The following ARHGEF33 variants were observed in gnomAD, a reference collection of about 807,000 sequenced individuals.
ARHGEF33 encodes the protein Rho guanine nucleotide exchange factor 33, also known as DH and coiled-coil domain-containing protein ENSP00000381780.
ARHGEF33 carries 72 observed loss-of-function variants against 101.9 expected under a neutral mutation model. That is an observed-to-expected ratio of 0.71 (90% CI 0.58 to 0.86). ARHGEF33 has a LOEUF of 0.86. ARHGEF33 is among the 40% of genes least tolerant of loss of function. The pLI, the probability that ARHGEF33 is intolerant of heterozygous loss-of-function variation, is 0.00. For missense variants in ARHGEF33, 1,169 were observed against 1,111.3 expected (o/e 1.05, Z -0.74); for synonymous variants, 499 against 442.5 (o/e 1.13, Z -1.60).
chr2:38,934,321 G>A (rs1667076491), intron 7 of ARHGEF33, among the ~76,000 whole-genome samples: 1 of 152,100 alleles, frequency 6.6e-6, no homozygotes, highest in African/African-American at 2.4e-5. Context: ...CCTTAACACA[G>A]TTTACATGGC....
At chr2:38,951,210 G>C in intron 11 of ARHGEF33, 89 bp downstream of exon 11, 1 of 1,304,240 alleles carries the variant, frequency 7.7e-7, no homozygotes, top group Non-Finnish European at 1.1e-6. Context: ...TCTAGAAGCA[G>C]TGAATTTCAC....
chr2:38,897,080 T>G (rs951771108), intron 2 of ARHGEF33, among the ~76,000 whole-genome samples: 1 of 152,104 alleles, frequency 6.6e-6, no homozygotes, highest in Non-Finnish European at 1.5e-5. Flanking sequence ...CGCACCCAGC[T>G]AATTTTTGTA....
At position 38,960,321 on chromosome 2, in the gene ARHGEF33, G is replaced by C. The variant is rs1437925332; in HGVS notation, c.2016G>C (p.Pro672=). The C allele has an allele frequency of 1.3e-6, 2 of 1,541,500 alleles. No homozygotes were observed. Among genetic ancestry groups the C allele is most frequent in the African/African-American group, 2.7e-5 (2 of 72,886 alleles). ...TGGAGGCCGAGCGGCCGGAGCACCCGCTGCAGCCGCTGCCCAAGAGCGCTA... is the reference window on the plus strand; with the variant it reads ...TGGAGGCCGAGCGGCCGGAGCACCCCCTGCAGCCGCTGCCCAAGAGCGCTA... ...FAMEAERPEH[P]LQPLPKSATS... Residue 672 remains proline, a synonymous_variant, in exon 16 of 18, where the codon CCG becomes CCC. Transcript: ENST00000409978.
intron 17 of ARHGEF33, chr2:38,972,093 A>G (rs1247686592): frequency 1.7e-5 from 11 of 639,934 alleles, no homozygotes; most frequent in Admixed American, 1.0e-4. Context: ...CTGTGGGGGA[A>G]CAAGAAGAAA....
At chr2:38,928,724 C>T (rs76504159) in intron 4 of ARHGEF33, 183 bp from the exon 5 acceptor site, 1 of 475,142 alleles carries the variant, frequency 2.1e-6, no homozygotes, top group African/African-American at 2.0e-5. Context: ...AAAGAAGACA[C>T]TCTTTTTCTT....
intron 7 of ARHGEF33, among the ~76,000 whole-genome samples, chr2:38,932,497 G>A (rs959890098): frequency 3.9e-5 from 6 of 152,070 alleles, no homozygotes; most frequent in African/African-American, 1.4e-4. Context: ...TGCAGCCTGG[G>A]AAAACTCACT....
chr2:38,892,585 T>A lies in ARHGEF33; in HGVS notation c.-159+2599T>A, dbSNP rs76894570. Among the ~76,000 whole-genome samples the A allele has an allele frequency of 6.7e-3, 1,027 of 152,304 alleles. 15 individuals are homozygous for A. The highest frequency in any genetic ancestry group is 0.023 in the African/African-American group (965 of 41,570). On this transcript the variant is annotated intron_variant, in intron 1 of 17. Coordinates refer to ENST00000409978, the MANE Select transcript of ARHGEF33 (RefSeq NM_001145451.5). ...GCAGAGTTAGTCAGTGCACCCCCAA[T>A]TGACAAAAACAAAAGTTAAGGCTCT...
chr2:38,898,090 C>T (rs1199780822), intron 2 of ARHGEF33, among the ~76,000 whole-genome samples: 3 of 152,116 alleles, frequency 2.0e-5, no homozygotes, highest in Non-Finnish European at 2.9e-5. Context: ...TATATTAGTG[C>T]ATGGCTAAAT....
At chr2:38,931,548 A>T (rs918471640) in intron 7 of ARHGEF33, among the ~76,000 whole-genome samples, 1 of 152,196 alleles carries the variant, frequency 6.6e-6, no homozygotes, top group Non-Finnish European at 1.5e-5. Context: ...CCCATAAGAC[A>T]GAAATGTTAG....
chr2:38,954,541 GC>G, intron 13 of ARHGEF33, 85 bp downstream of exon 13: 1 of 769,730 alleles, frequency 1.3e-6, no homozygotes, highest in Non-Finnish European at 2.2e-6. Context: ...ATACTGTAAA[GC>G]CTCAAGAATC....
chr2:38,917,341 C>A (rs1375166797), intron 2 of ARHGEF33, among the ~76,000 whole-genome samples: 3 of 152,096 alleles, frequency 2.0e-5, no homozygotes, highest in Non-Finnish European at 4.4e-5. Context: ...ATCCGCCCAC[C>A]TCAGCCTCCC....
intron 4 of ARHGEF33, among the ~76,000 whole-genome samples, chr2:38,926,103 G>A (rs1666863057): frequency 6.6e-6 from 1 of 152,166 alleles, no homozygotes; most frequent in Non-Finnish European, 1.5e-5. Flanking sequence ...AGCCTAAGAT[G>A]CCCTCTGTGG....
At chr2:38,908,754 G>A (rs1666448309) in intron 2 of ARHGEF33, among the ~76,000 whole-genome samples, 1 of 152,182 alleles carries the variant, frequency 6.6e-6, no homozygotes, top group South Asian at 2.1e-4. Context: ...GTTAGTTTTG[G>A]TGTGGGACCA....
chr2:38,935,416 CTTACATGT>C (rs1412402097), intron 7 of ARHGEF33, among the ~76,000 whole-genome samples: 1 of 152,030 alleles, frequency 6.6e-6, no homozygotes, highest in Admixed American at 6.6e-5. Flanking sequence ...CCCAGGCTGG[CTTACATGT>C]TAACAGTACC....
chr2:38,922,319 C>A (rs908790196), intron 4 of ARHGEF33, among the ~76,000 whole-genome samples: 1 of 151,946 alleles, frequency 6.6e-6, no homozygotes, highest in Non-Finnish European at 1.5e-5. Flanking sequence ...AGGTTTTAAG[C>A]CCTGGTAACT....
At chr2:38,945,843 C>G (rs1228982162) in intron 10 of ARHGEF33, among the ~76,000 whole-genome samples, 1 of 152,178 alleles carries the variant, frequency 6.6e-6, no homozygotes, top group African/African-American at 2.4e-5. Flanking sequence ...TAGCAGAACC[C>G]TGTGACCCCT....
intron 16 of ARHGEF33, among the ~76,000 whole-genome samples, chr2:38,963,341 C>G (rs1474674159): frequency 1.3e-5 from 2 of 152,130 alleles, no homozygotes. Context: ...CAGAGCTAGC[C>G]GAGACCTAGT....
chr2:38,955,481 C>CTTTTT (rs3085350), intron 13 of ARHGEF33, among the ~76,000 whole-genome samples: 2,887 of 71,124 alleles, frequency 0.041, 334 homozygotes, highest in Non-Finnish European at 0.048. Flanking sequence ...ATTGAAAAGA[C>CTTTTT]TTTTTTTTTT....
chr2:38,968,908 A>T (rs1486330286), intron 17 of ARHGEF33, among the ~76,000 whole-genome samples: 1 of 152,170 alleles, frequency 6.6e-6, no homozygotes, highest in Non-Finnish European at 1.5e-5. Flanking sequence ...GAGTGTTTTC[A>T]TATGAGGACC....
Sources: gnomAD v4.1 joint callset for allele counts (sites outside exome capture counted in the v4.1 genomes callset) on GRCh38, gnomAD v4.1.1 for gene constraint, MANE v1.5 for transcripts, NCBI Gene and HGNC (gene_info 2026-07-23, HGNC 2026-07-21) for gene names.